The following CASK variants were observed in gnomAD, a reference collection of about 807,000 sequenced individuals.
CASK encodes the protein peripheral plasma membrane protein CASK.
In CASK, 4 loss-of-function variants were observed where a neutral mutation model predicts 82.9. That is an observed-to-expected ratio of 0.05 (90% CI 0.02 to 0.11). The LOEUF is 0.11. Ranked by LOEUF, CASK falls within the 10% of genes least tolerant of loss-of-function variation. The pLI, the probability that CASK is intolerant of heterozygous loss-of-function variation, is 1.00. For synonymous variants in CASK, 259 were observed against 253.5 expected (o/e 1.02, Z -0.20); for missense variants, 358 against 720.9 (o/e 0.50, Z 5.76).
Position 41,534,938 on chromosome X carries a change from C to T in CASK, c.2191G>A (p.Val731Ile). Residue 731 changes from valine (V) to isoleucine (I), a missense_variant, in exon 23 of 27, where the codon GTA becomes ATA. Coordinates refer to ENST00000378163, the MANE Select transcript of CASK (RefSeq NM_001367721.1). ...DQLDLVTYEE[V>I]VKLPAFKRKT... is the part of the protein sequence containing the mutation. The stretch of plus-strand genomic sequence containing the variant: ...CTCTTGAATGCTGGCAGTTTTACTA[C>T]TTCTTCATATGTGACAAGATCTAAT... 3 of 1,198,785 alleles carry T rather than the reference C, an allele frequency of 2.5e-6. No homozygotes were observed. Among genetic ancestry groups the T allele is most frequent in the Non-Finnish European group, 3.4e-6 (3 of 884,517 alleles).
intron 5 of CASK, among the ~76,000 whole-genome samples, chrX:41,708,729 C>T (rs1475812715): frequency 8.9e-6 from 1 of 112,119 alleles, no homozygotes; most frequent in Non-Finnish European, 1.9e-5. Flanking sequence ...GCAGTTTATG[C>T]GTCAGCAAAA....
chrX:41,544,902 A>T (rs1015707727), intron 21 of CASK, among the ~76,000 whole-genome samples: 1 of 111,442 alleles, frequency 9.0e-6, no homozygotes, highest in Non-Finnish European at 1.9e-5. Flanking sequence ...GACTTTAGAG[A>T]AATAAAAAAT....
At position 41,753,307 on chromosome X, in the gene CASK, TA is replaced by T. The variant is rs1347512081; in HGVS notation, c.279-7707del. On this transcript the variant is annotated intron_variant, in intron 3 of 26. Coordinates refer to ENST00000378163, the MANE Select transcript of CASK (RefSeq NM_001367721.1). ...TTTTGTCATAGGAAATCAGTTCTGT[TA>T]AAAAAAAAAAGCAGAATGCAGATGA... Among the ~76,000 whole-genome samples the T allele has an allele frequency of 9.1e-3, 946 of 103,544 alleles. 2 individuals carry two copies. The highest frequency in any genetic ancestry group is 0.024 in the Middle Eastern group (5 of 207). 89.9% of individuals were successfully genotyped at this position (103,544 alleles called of 115,157 possible).
chrX:41,676,073 A>G, intron 5 of CASK: 11 of 1,194,494 alleles, frequency 9.2e-6, no homozygotes, highest in Non-Finnish European at 1.2e-5. Context: ...CTGATCCACA[A>G]TCCCTTTCTT....
At chrX:41,569,830 T>C (rs2065381913) in intron 15 of CASK, 84 bp from the exon 16 acceptor site, 1 of 572,553 alleles carries the variant, frequency 1.7e-6, no homozygotes, top group East Asian at 3.5e-5. Context: ...TTGCGGTAGA[T>C]AATTTTAATT....
chrX:41,629,945 C>T lies in CASK; in HGVS notation c.916-3242G>A, dbSNP rs926521171. ...AAACCCTTGACAAAGAAGTTTTCTA[C>T]CTGCTTTAATTTAGAAGGTATAATT... On this transcript the variant is annotated intron_variant, in intron 9 of 26. Coordinates refer to ENST00000378163, the MANE Select transcript of CASK (RefSeq NM_001367721.1). 4.5e-5 allele frequency among the ~76,000 whole-genome samples: 5 copies of T among 111,897 alleles called. No homozygotes were observed. In the Admixed American group the frequency reaches 4.8e-4, roughly 11 times the overall value.
intron 14 of CASK, chrX:41,586,083 G>C (rs1038528074): frequency 1.8e-5 from 2 of 111,692 alleles, no homozygotes; most frequent in Non-Finnish European, 3.8e-5. Flanking sequence ...CTGGAAGGCG[G>C]AGATTGCAGT....
chrX:41,842,236 T>C (rs971209846), intron 2 of CASK, among the ~76,000 whole-genome samples: 9 of 111,853 alleles, frequency 8.0e-5, no homozygotes, highest in African/African-American at 2.6e-4. Context: ...TATATGTCTA[T>C]CCTTATGCCA....
intron 5 of CASK, among the ~76,000 whole-genome samples, chrX:41,710,693 G>A (rs2067958215): frequency 1.8e-5 from 2 of 112,144 alleles, no homozygotes; most frequent in Non-Finnish European, 3.8e-5. Flanking sequence ...GAACCCTTAG[G>A]TAGTTTCAGG....
At chrX:41,578,613 G>C in intron 14 of CASK, 85 bp from the exon 15 acceptor site, 3 of 721,967 alleles carry the variant, frequency 4.2e-6, no homozygotes, top group South Asian at 2.5e-5. Context: ...TTTTGAGACA[G>C]GGTCTCACTC....
intron 3 of CASK, among the ~76,000 whole-genome samples, chrX:41,774,141 A>G (rs1255066126): frequency 9.0e-6 from 1 of 111,476 alleles, no homozygotes; most frequent in East Asian, 2.8e-4. Context: ...GGAAAAGAAG[A>G]AGTCAAATTG....
intron 1 of CASK, among the ~76,000 whole-genome samples, chrX:41,922,436 T>C (rs927449851): frequency 3.6e-5 from 4 of 111,453 alleles, no homozygotes; most frequent in Non-Finnish European, 7.5e-5. Flanking sequence ...AAGCACCCCG[T>C]CTTAAATGAC....
At chrX:41,565,824 C>T (rs1015484797) in intron 16 of CASK, among the ~76,000 whole-genome samples, 1 of 111,639 alleles carries the variant, frequency 9.0e-6, no homozygotes, top group African/African-American at 3.3e-5. Flanking sequence ...AACATTGATA[C>T]GAAAATCCTC....
At chrX:41,900,943 AC>A (rs1347086478) in intron 1 of CASK, among the ~76,000 whole-genome samples, 2 of 109,283 alleles carry the variant, frequency 1.8e-5, no homozygotes, top group African/African-American at 6.7e-5. Flanking sequence ...ATGAGGTTTC[AC>A]CATGTTGGCC....
At chrX:41,534,098 T>C (rs906181690) in intron 24 of CASK, among the ~76,000 whole-genome samples, 1 of 111,390 alleles carries the variant, frequency 9.0e-6, no homozygotes, top group South Asian at 3.7e-4. Flanking sequence ...CATTTTACAA[T>C]TGAGAAAATG....
intron 2 of CASK, among the ~76,000 whole-genome samples, chrX:41,793,107 A>G (rs1200952584): frequency 1.8e-5 from 2 of 112,534 alleles, no homozygotes; most frequent in Non-Finnish European, 3.8e-5. Flanking sequence ...TCATTTAATA[A>G]CTAAATCTGG....
chrX:41,547,051 C>T (rs2065032611), intron 21 of CASK, among the ~76,000 whole-genome samples: 1 of 110,992 alleles, frequency 9.0e-6, no homozygotes, highest in Admixed American at 9.6e-5. Context: ...CTGTCTTGGC[C>T]TTCCAAGTAG....
rs1312867357 is a variant in CASK at position 41,545,120 on chromosome X, G to C, written c.2040-2314C>G. Among the ~76,000 whole-genome samples, 3 of 110,384 alleles carry C rather than the reference G, an allele frequency of 2.7e-5. No individual in the cohort carries two copies. The East Asian group carries it at 8.6e-4, about 31-fold the overall frequency. On this transcript the variant is annotated intron_variant, in intron 21 of 26. Transcript: ENST00000378163. ...GGCTCACTGTAACCTCTGCTTCCCAGGTTCAAGCAATTCTCATGCCTCAGC... is the reference window on the plus strand; with the variant it reads ...GGCTCACTGTAACCTCTGCTTCCCACGTTCAAGCAATTCTCATGCCTCAGC...
chrX:41,918,308 G>A (rs935199339), intron 1 of CASK, among the ~76,000 whole-genome samples: 16 of 111,819 alleles, frequency 1.4e-4, no homozygotes, highest in Admixed American at 1.4e-3. Context: ...TATACTTTAC[G>A]TATTATTAAT....
Sources: gnomAD v4.1 joint callset for allele counts (sites outside exome capture counted in the v4.1 genomes callset) on GRCh38, gnomAD v4.1.1 for gene constraint, MANE v1.5 for transcripts, NCBI Gene and HGNC (gene_info 2026-07-23, HGNC 2026-07-21) for gene names.